Variants in PHEX observed in about 807,000 individuals in gnomAD.
PHEX encodes the protein phosphate regulating endopeptidase X-linked, also known as phosphate-regulating neutral endopeptidase PHEX.
PHEX carries 16 observed loss-of-function variants against 68.0 expected under a neutral mutation model. The observed-to-expected ratio is 0.24, with a 90% CI of 0.16 to 0.36. The LOEUF (loss-of-function observed/expected upper bound fraction) is 0.36, where lower values mean the gene tolerates loss of function less well. Among genes scored for constraint, PHEX ranks in the 10% least tolerant of loss-of-function variants. PHEX has a pLI of 1.00. For synonymous variants in PHEX, 208 were observed against 205.1 expected (o/e 1.01, Z -0.12); for missense variants, 480 against 575.5 (o/e 0.83, Z 1.70).
chrX:22,061,620 C>G (rs1928367395), intron 3 of PHEX, among the ~76,000 whole-genome samples: 1 of 110,992 alleles, frequency 9.0e-6, no homozygotes, highest in African/African-American at 3.3e-5. Context: ...ACTGAGCTCC[C>G]AACACGGAAG....
chrX:22,154,708 A>T (rs963769409), intron 12 of PHEX, among the ~76,000 whole-genome samples: 1 of 111,724 alleles, frequency 9.0e-6, no homozygotes, highest in African/African-American at 3.3e-5. Context: ...GTTCAGAAGC[A>T]TTCTAACTCA....
chrX:22,242,924 A>G (rs1936271845), intron 20 of PHEX, among the ~76,000 whole-genome samples: 1 of 112,028 alleles, frequency 8.9e-6, no homozygotes, highest in Non-Finnish European at 1.9e-5. Flanking sequence ...AATTGGAAAA[A>G]ACTTACTTTA....
rs1933398226 is a variant in PHEX at position 22,168,171 on chromosome X, T to C, written c.1405-141T>C. 9.8e-6 allele frequency: 5 copies of C among 508,644 alleles called. No individual in the cohort carries two copies. In the East Asian group the frequency reaches 1.8e-4, roughly 18 times the overall value. 41.9% of individuals were successfully genotyped at this position (508,644 alleles called of 1,213,427 possible). On this transcript the variant is annotated intron_variant, in intron 12 of 21. Transcript: ENST00000379374. ...GGTCTCTCAATATATATCTATATATTTTTGCCCTTCACAGTGGCTTGCATA... is the reference window on the plus strand; with the variant it reads ...GGTCTCTCAATATATATCTATATATCTTTGCCCTTCACAGTGGCTTGCATA...
intron 12 of PHEX, among the ~76,000 whole-genome samples, chrX:22,160,860 G>A (rs186918667): frequency 9.0e-6 from 1 of 111,427 alleles, no homozygotes; most frequent in East Asian, 2.8e-4. Context: ...GAAGCTGAGT[G>A]TGGTGGCTCA....
chrX:22,092,753 T>C (rs769296577), intron 6 of PHEX, among the ~76,000 whole-genome samples: 124 of 81,746 alleles, frequency 1.5e-3, no homozygotes, highest in Non-Finnish European at 2.1e-3. Flanking sequence ...TTCTTTCTTT[T>C]TTTTTTTTTT....
chrX:22,062,023 A>T (rs1043654825), intron 3 of PHEX, among the ~76,000 whole-genome samples: 5 of 111,311 alleles, frequency 4.5e-5, no homozygotes, highest in Non-Finnish European at 9.4e-5. Flanking sequence ...AGCAGGGCAA[A>T]CTGCCTTATA....
chrX:22,115,523 C>T (rs1217906239), intron 11 of PHEX, among the ~76,000 whole-genome samples: 4 of 111,595 alleles, frequency 3.6e-5, no homozygotes, highest in African/African-American at 1.3e-4. Context: ...AGTCACCATG[C>T]CATATTTTAG....
intron 15 of PHEX, among the ~76,000 whole-genome samples, chrX:22,200,955 G>A (rs771956741): frequency 1.2e-4 from 13 of 111,210 alleles, no homozygotes; most frequent in East Asian, 2.8e-4. Context: ...GATCTCCTTG[G>A]GTCTTTAGCT....
In PHEX at chrX:22,158,444, TAAAAA is replaced by T. The variant is rs764124501; in HGVS notation, c.1405-9866_1405-9862del. Reference sequence around the variant, plus strand: ...TTTTTTCTTAAGTTGGTTAAATTAATAAAAAAGAAAAAATATGCTGAGACTTAACC... The same window carrying T: ...TTTTTTCTTAAGTTGGTTAAATTAATAGAAAAAATATGCTGAGACTTAACC... On this transcript the variant is annotated intron_variant, in intron 12 of 21. Coordinates refer to ENST00000379374, the MANE Select transcript of PHEX (RefSeq NM_000444.6). 4.8e-3 allele frequency among the ~76,000 whole-genome samples: 533 copies of T among 111,692 alleles called. 4 individuals are homozygous for T. Among genetic ancestry groups the T allele is most frequent in the African/African-American group, 0.016 (505 of 30,753 alleles).
chrX:22,175,090 G>A (rs1378123332), intron 13 of PHEX, among the ~76,000 whole-genome samples: 4 of 111,886 alleles, frequency 3.6e-5, no homozygotes, highest in African/African-American at 9.7e-5. Context: ...AAGGAAAAAC[G>A]TAAGACCTGT....
At chrX:22,162,819 A>G (rs1461731029) in intron 12 of PHEX, 2 of 111,634 alleles carry the variant, frequency 1.8e-5, no homozygotes, top group Non-Finnish European at 3.8e-5. Flanking sequence ...TTCGAATGCC[A>G]TCAGCTTTTC....
intron 20 of PHEX, among the ~76,000 whole-genome samples, chrX:22,232,596 CTTTTTTTTTTTTTTTTTTT>C (rs745474280): frequency 1.1e-4 from 2 of 18,549 alleles, no homozygotes; most frequent in Non-Finnish European, 2.1e-4. Flanking sequence ...GCCACTTCTG[CTTTTTTTTTTTTTTTTTTT>C]TTTTTTTTTT....
Position 22,142,109 on chromosome X carries a change from G to A in PHEX, c.1404+8485G>A, listed in dbSNP as rs1199378111. ...CTACTAAAAATACAAAAAATTAGCC[G>A]GGTGTGGTGGCAGGCGCCTGTAATC... On this transcript the variant is annotated intron_variant, in intron 12 of 21. Coordinates refer to ENST00000379374, the MANE Select transcript of PHEX (RefSeq NM_000444.6). Among the ~76,000 whole-genome samples, 13 of 111,132 alleles carry A rather than the reference G, an allele frequency of 1.2e-4. No homozygotes were observed. In the East Asian group the frequency reaches 3.6e-3, roughly 31 times the overall value.
Position 22,186,845 on chromosome X carries a change from T to C in PHEX, c.1587-3599T>C, listed in dbSNP as rs1326546325. ...TACCAGCAGTTAGGAACATTTTCCCTGCATGGCCCTTACCTGAATATTTTA... is the reference window on the plus strand; with the variant it reads ...TACCAGCAGTTAGGAACATTTTCCCCGCATGGCCCTTACCTGAATATTTTA... On this transcript the variant is annotated intron_variant, in intron 14 of 21. Coordinates refer to ENST00000379374, the MANE Select transcript of PHEX (RefSeq NM_000444.6). 3.6e-5 allele frequency among the ~76,000 whole-genome samples: 4 copies of C among 112,497 alleles called. No homozygotes were observed. In the Admixed American group the frequency reaches 3.8e-4, roughly 11 times the overall value.
At chrX:22,135,001 A>C (rs1932171066) in intron 12 of PHEX, among the ~76,000 whole-genome samples, 1 of 112,342 alleles carries the variant, frequency 8.9e-6, no homozygotes, top group Admixed American at 9.4e-5. Context: ...GTAGAGTTTT[A>C]GCAAGGATAT....
At chrX:22,165,422 C>T (rs915145289) in intron 12 of PHEX, among the ~76,000 whole-genome samples, 1 of 111,494 alleles carries the variant, frequency 9.0e-6, no homozygotes. Context: ...CAAATTATAC[C>T]TCAGAGTTTG....
Position 22,089,109 on chromosome X carries a change from C to G in PHEX, c.664-1320C>G, listed in dbSNP as rs142318867. Among the ~76,000 whole-genome samples, 627 of 111,441 alleles carry G rather than the reference C, an allele frequency of 5.6e-3. 2 individuals carry two copies. The highest frequency in any genetic ancestry group is 0.02 in the African/African-American group (599 of 30,674). Reference sequence around the variant, plus strand: ...CCATCCCAGCTTGCTGCAACCTCCGCCTCCTGGGTTCAAGTGATTCTCCTG... The same window carrying G: ...CCATCCCAGCTTGCTGCAACCTCCGGCTCCTGGGTTCAAGTGATTCTCCTG... On this transcript the variant is annotated intron_variant, in intron 5 of 21. Coordinates refer to ENST00000379374, the MANE Select transcript of PHEX (RefSeq NM_000444.6).
intron 1 of PHEX, among the ~76,000 whole-genome samples, chrX:22,036,335 C>A (rs1927020910): frequency 9.1e-6 from 1 of 109,819 alleles, no homozygotes; most frequent in Non-Finnish European, 1.9e-5. Context: ...GCTGGGATTG[C>A]AGGCCTGAGC....
chrX:22,058,342 G>A (rs1370404441), intron 3 of PHEX, among the ~76,000 whole-genome samples: 9 of 112,398 alleles, frequency 8.0e-5, no homozygotes. Flanking sequence ...AATGGAATCC[G>A]TTGCTACTGT....
Sources: allele counts gnomAD v4.1 joint callset (sites outside exome capture counted in the v4.1 genomes callset), GRCh38; gene constraint gnomAD v4.1.1; transcripts MANE v1.5; gene names NCBI Gene and HGNC (gene_info 2026-07-23, HGNC 2026-07-21).